MITF: variants seen among roughly 807,000 people sequenced by gnomAD.
MITF encodes microphthalmia-associated transcription factor.
In MITF, 17 loss-of-function variants were observed where a neutral mutation model predicts 60.5. The ratio of observed to expected loss-of-function variants is 0.28; its 90% confidence interval spans 0.19 to 0.42. The LOEUF is 0.42. Ranked by LOEUF, MITF falls within the 10% of genes least tolerant of loss-of-function variation. The pLI is 1.00. For missense variants in MITF, 622 were observed against 683.5 expected (o/e 0.91, Z 1.00); for synonymous variants, 260 against 248.5 (o/e 1.05, Z -0.43).
chr3:69,940,788 C>G (rs1475513329), intron 4 of MITF, among the ~76,000 whole-genome samples: 1 of 152,142 alleles, frequency 6.6e-6, no homozygotes, highest in Non-Finnish European at 1.5e-5. Flanking sequence ...TGTGGTACAT[C>G]TCTCCTGTTT....
intron 1 of MITF, among the ~76,000 whole-genome samples, chr3:69,857,138 C>T (rs1346822521): frequency 1.3e-5 from 2 of 151,880 alleles, no homozygotes; most frequent in African/African-American, 4.8e-5. Flanking sequence ...TTATGGAATT[C>T]AGAATCTAGT....
At chr3:69,775,389 A>G (rs1047302974) in intron 1 of MITF, among the ~76,000 whole-genome samples, 1 of 152,140 alleles carries the variant, frequency 6.6e-6, no homozygotes, top group East Asian at 1.9e-4. Context: ...TGAGGGTAAC[A>G]ACTGTTATTG....
At chr3:69,793,943 A>T (rs1387498974) in intron 1 of MITF, among the ~76,000 whole-genome samples, 3 of 152,226 alleles carry the variant, frequency 2.0e-5, no homozygotes, top group African/African-American at 7.2e-5. Flanking sequence ...CACCTACTCA[A>T]ATGAGGCAGG....
intron 1 of MITF, among the ~76,000 whole-genome samples, chr3:69,877,128 TTGTTC>T (rs756704590): frequency 3.9e-5 from 6 of 152,204 alleles, no homozygotes; most frequent in Non-Finnish European, 7.3e-5. Flanking sequence ...ATTTCCCACT[TTGTTC>T]TGTAGTTGCA....
intron 1 of MITF, among the ~76,000 whole-genome samples, chr3:69,742,373 T>G (rs1442330089): frequency 6.6e-6 from 1 of 152,202 alleles, no homozygotes; most frequent in Non-Finnish European, 1.5e-5. Context: ...TTAGTAGTGC[T>G]GAGGTCAAGC....
At chr3:69,887,729 A>G (rs1402097666) in intron 2 of MITF, among the ~76,000 whole-genome samples, 1 of 152,042 alleles carries the variant, frequency 6.6e-6, no homozygotes, top group African/African-American at 2.4e-5. Context: ...GTGAATCTAT[A>G]CCATTGTTTC....
chr3:69,762,013 T>C (rs2062219171), intron 1 of MITF, among the ~76,000 whole-genome samples: 1 of 152,198 alleles, frequency 6.6e-6, no homozygotes, highest in African/African-American at 2.4e-5. Flanking sequence ...TATTTTTGTG[T>C]GTCTTCATAA....
intron 1 of MITF, among the ~76,000 whole-genome samples, chr3:69,742,353 T>A (rs1450330444): frequency 6.6e-6 from 1 of 152,128 alleles, no homozygotes; most frequent in Non-Finnish European, 1.5e-5. Flanking sequence ...GATTATCTGG[T>A]CCCAAATTGT....
At chr3:69,785,464 A>T (rs2062633672) in intron 1 of MITF, among the ~76,000 whole-genome samples, 1 of 152,180 alleles carries the variant, frequency 6.6e-6, no homozygotes, top group Admixed American at 6.5e-5. Context: ...ACCAGTAAGC[A>T]ATCCAAGTGG....
chr3:69,902,366 A>G (rs192364335), intron 2 of MITF, among the ~76,000 whole-genome samples: 10 of 152,278 alleles, frequency 6.6e-5, no homozygotes, highest in African/African-American at 9.6e-5. Flanking sequence ...TCCTGAAAAC[A>G]TATCTATTTG....
At chr3:69,842,009 C>G (rs1178424910) in intron 1 of MITF, among the ~76,000 whole-genome samples, 1 of 152,176 alleles carries the variant, frequency 6.6e-6, no homozygotes, top group Non-Finnish European at 1.5e-5. Context: ...TTACATAACT[C>G]TTTGTTAAAT....
At chr3:69,859,450 T>G (rs986093416) in intron 1 of MITF, among the ~76,000 whole-genome samples, 1 of 152,212 alleles carries the variant, frequency 6.6e-6, no homozygotes, top group South Asian at 2.1e-4. Context: ...CAGTCCCTTC[T>G]TCTGGCTCCT....
At chr3:69,869,151 T>C (rs937171509) in intron 1 of MITF, among the ~76,000 whole-genome samples, 1 of 152,202 alleles carries the variant, frequency 6.6e-6, no homozygotes, top group African/African-American at 2.4e-5. Flanking sequence ...GTAGAATATT[T>C]GTTGGGAGAC....
At chr3:69,930,337 A>T (rs2065691066) in intron 2 of MITF, among the ~76,000 whole-genome samples, 1 of 152,192 alleles carries the variant, frequency 6.6e-6, no homozygotes, top group South Asian at 2.1e-4. Flanking sequence ...GAGAGTGAGA[A>T]GAAATGAAGA....
chr3:69,826,084 CATATT>C (rs754314536), intron 1 of MITF, among the ~76,000 whole-genome samples: 4 of 152,102 alleles, frequency 2.6e-5, no homozygotes, highest in Non-Finnish European at 5.9e-5. Flanking sequence ...GGAGAATGTA[CATATT>C]ATAAGTGTAC....
Position 69,966,450 on chromosome 3 carries a change from T to TTAC in MITF, c.*1203_*1205dup, listed in dbSNP as rs1194919292. On this transcript the variant is annotated 3_prime_UTR_variant, in exon 10 of 10. Coordinates refer to ENST00000352241, the MANE Select transcript of MITF (RefSeq NM_001354604.2). ...ACCAGGCTTTCTAGAAAGAATAAAC[T>TTAC]TACATATTTATTTTTAGGACATGAA... is the stretch of plus-strand genomic sequence containing the variant. The TTAC allele has an allele frequency of 8.6e-6, 2 of 232,804 alleles. No homozygotes were observed. The highest frequency in any genetic ancestry group is 4.4e-5 in the African/African-American group (2 of 45,434). The allele number at this position is 232,804 out of a possible 1,614,324, so 14.4% of individuals were successfully genotyped here. A position where few individuals can be genotyped will look rare whatever the true frequency, so the allele number is the denominator to read the frequency against.
intron 1 of MITF, among the ~76,000 whole-genome samples, chr3:69,835,253 A>T (rs1175407419): frequency 6.6e-6 from 1 of 152,016 alleles, no homozygotes; most frequent in Non-Finnish European, 1.5e-5. Context: ...CCTGGGCTTA[A>T]GCAATCTACC....
intron 1 of MITF, among the ~76,000 whole-genome samples, chr3:69,839,383 T>C (rs1037054658): frequency 1.3e-5 from 2 of 151,688 alleles, no homozygotes; most frequent in Non-Finnish European, 2.9e-5. Context: ...TGATTTTCTT[T>C]TTTTTTTTTT....
chr3:69,788,307 C>A (rs1244180340), intron 1 of MITF, among the ~76,000 whole-genome samples: 2 of 129,062 alleles, frequency 1.5e-5, no homozygotes, highest in Non-Finnish European at 3.2e-5. Flanking sequence ...CACAACAGTC[C>A]CTGGTGTGTG....
Sources: allele counts gnomAD v4.1 joint callset (sites outside exome capture counted in the v4.1 genomes callset), GRCh38; gene constraint gnomAD v4.1.1; transcripts MANE v1.5; gene names NCBI Gene and HGNC (gene_info 2026-07-23, HGNC 2026-07-21).